The following TRRAP variants were observed in gnomAD, a reference collection of about 807,000 sequenced individuals.
The protein encoded by TRRAP is transformation/transcription domain associated protein, also known as transformation/transcription domain-associated protein.
Under a neutral mutation model 438.8 loss-of-function variants are expected in TRRAP, and 41 were observed. That is an observed-to-expected ratio of 0.09 (90% CI 0.07 to 0.12). The LOEUF (loss-of-function observed/expected upper bound fraction) is 0.12. Ranked by LOEUF, TRRAP falls within the 10% of genes least tolerant of loss-of-function variation. The probability of loss-of-function intolerance (pLI) is 1.00; values close to 1 mark genes in which losing one functional copy is unlikely to be tolerated. For synonymous variants in TRRAP, 1,994 were observed against 1,962.9 expected (o/e 1.02, Z -0.42); for missense variants, 3,122 against 5,055.1 (o/e 0.62, Z 11.60).
chr7:98,946,434 C>G (rs1254590383), intron 33 of TRRAP, among the ~76,000 whole-genome samples: 3 of 151,966 alleles, frequency 2.0e-5, no homozygotes, highest in Non-Finnish European at 4.4e-5. Flanking sequence ...CACATGCACA[C>G]ACACCGATGC....
In TRRAP at chr7:98,921,906, G is replaced by A. The variant is rs1789813328; in HGVS notation, c.2776G>A (p.Val926Met). 1 of 1,614,234 alleles carries A rather than the reference G, an allele frequency of 6.2e-7. No individual in the cohort carries two copies. The highest frequency in any genetic ancestry group is 1.3e-5 in the African/African-American group (1 of 75,058). ...VTEVQGPSIT[V>M]EFSDCKASLQ... ...CGAGGTTCAGGGCCCCAGCATCACT[G>A]TGGAGTTTTCCGACTGCAAAGCTTC... Residue 926 changes from valine (V) to methionine (M), a missense_variant, in exon 21 of 73, where the codon GTG (valine) becomes ATG (methionine). Val to Met is a conservative substitution (Grantham distance 21). Transcript: ENST00000456197.
At chr7:98,955,415 G>A (rs189826517) in intron 41 of TRRAP, 111 bp downstream of exon 41, 10 of 1,144,336 alleles carry the variant, frequency 8.7e-6, no homozygotes, top group East Asian at 2.6e-5. Context: ...TTTTAGTAAG[G>A]CTACTTCTGG....
Position 98,917,577 on chromosome 7 carries a change from A to G in TRRAP, c.2520A>G (p.Thr840=). 4 of 1,614,154 alleles carry G rather than the reference A, an allele frequency of 2.5e-6. No individual in the cohort carries two copies. Among genetic ancestry groups the G allele is most frequent in the Non-Finnish European group, 1.7e-6 (2 of 1,180,038 alleles). The change falls in exon 20 of 73, where the codon ACA becomes ACG. Residue 840 remains threonine, a synonymous_variant. Transcript: ENST00000456197. ...PLVSALNGSQ[T]LVSQGLRTLE... ...TGTCTGCACTCAATGGGTCTCAGAC[A>G]TTGGTCAGCCAAGGCCTCAGGACGC...
At chr7:98,898,696 G>A (rs1482874165) in intron 8 of TRRAP, among the ~76,000 whole-genome samples, 2 of 152,138 alleles carry the variant, frequency 1.3e-5, no homozygotes, top group East Asian at 3.9e-4. Context: ...TATTAGGACT[G>A]TTGAACTTTT....
chr7:98,921,256 A>G (rs902705895), intron 20 of TRRAP, among the ~76,000 whole-genome samples: 1 of 152,254 alleles, frequency 6.6e-6, no homozygotes, highest in African/African-American at 2.4e-5. Context: ...TTATAAAGAC[A>G]TAAAACTTCC....
intron 33 of TRRAP, 59 bp downstream of exon 33, chr7:98,946,009 C>G (rs1791041502): frequency 7.2e-7 from 1 of 1,380,248 alleles, no homozygotes; most frequent in Non-Finnish European, 9.4e-7. Flanking sequence ...TTTGCTGTGA[C>G]TCGTTAGCTG....
intron 52 of TRRAP, among the ~76,000 whole-genome samples, chr7:98,971,408 C>T (rs1456078720): frequency 1.3e-5 from 2 of 152,224 alleles, no homozygotes; most frequent in East Asian, 3.8e-4. Context: ...CAACATGCTC[C>T]GCCGTGGCCC....
At chr7:99,002,174 C>G (rs1793960351) in intron 67 of TRRAP, among the ~76,000 whole-genome samples, 1 of 152,074 alleles carries the variant, frequency 6.6e-6, no homozygotes, top group Non-Finnish European at 1.5e-5. Flanking sequence ...CAGCCAAGGG[C>G]ATCCCGTGCT....
intron 67 of TRRAP, among the ~76,000 whole-genome samples, chr7:99,001,709 A>G (rs1793928734): frequency 6.6e-6 from 1 of 152,228 alleles, no homozygotes; most frequent in East Asian, 1.9e-4. Flanking sequence ...CGTTCGTGGA[A>G]TGCAGTCCGA....
Position 98,937,637 on chromosome 7 carries a change from T to C in TRRAP, c.4234-13T>C, listed in dbSNP as rs781895955. 1.3e-6 allele frequency: 2 copies of C among 1,590,470 alleles called. No individual in the cohort carries two copies. Among genetic ancestry groups the C allele is most frequent in the Admixed American group, 3.7e-5 (2 of 54,318 alleles). On this transcript the variant is annotated splice_polypyrimidine_tract_variant and intron_variant, in intron 29 of 72. Coordinates refer to ENST00000456197, the MANE Select transcript of TRRAP (RefSeq NM_001375524.1). The stretch of plus-strand genomic sequence containing the variant: ...GTTGTCTATTTTTCTTTACAACTTT[T>C]CTTTTTTAATAGTTTTTAGAAGGTG...
At position 98,909,690 on chromosome 7, in the gene TRRAP, C is replaced by T. The variant is rs1341001344; in HGVS notation, c.1351-366C>T. 3.9e-5 allele frequency among the ~76,000 whole-genome samples: 6 copies of T among 152,184 alleles called. 1 individual carries two copies. In the South Asian group the frequency reaches 1.2e-3, roughly 32 times the overall value. On this transcript the variant is annotated intron_variant, in intron 14 of 72. Coordinates refer to ENST00000456197, the MANE Select transcript of TRRAP (RefSeq NM_001375524.1). ...GCCCTGTTGGGACGAGGCCTGTAGT[C>T]CTGGATGAAATCCAGGCCCTGCTTG...
intron 69 of TRRAP, among the ~76,000 whole-genome samples, chr7:99,006,436 A>G (rs1344025257): frequency 5.3e-5 from 8 of 152,236 alleles, no homozygotes; most frequent in African/African-American, 1.4e-4. Context: ...TGTATATAAC[A>G]TGACCTGTAG....
At chr7:99,002,796 G>A (rs535156267) in intron 67 of TRRAP, among the ~76,000 whole-genome samples, 84 of 152,326 alleles carry the variant, frequency 5.5e-4, no homozygotes, top group Non-Finnish European at 1.0e-3. Context: ...GCCAAGTTCA[G>A]ACATGGTCAG....
In TRRAP at chr7:98,984,957, T is replaced by C. The variant is rs1181053983; in HGVS notation, c.9302T>C (p.Ile3101Thr). Reference sequence around the variant, plus strand: ...TTTTTTGAACAGGGCCTTGAAGTTATTGAATCTACAAATTTAAAATACTTC... The same window carrying C: ...TTTTTTGAACAGGGCCTTGAAGTTACTGAATCTACAAATTTAAAATACTTC... ...KNECMQGLEV[I>T]ESTNLKYFTK... Residue 3101 changes from isoleucine to threonine, a missense_variant, in exon 62 of 73, where the codon ATT (isoleucine) becomes ACT (threonine). Ile to Thr is a moderately conservative substitution (Grantham distance 89). Around this residue, in one of 24 missense-constraint regions of TRRAP, gnomAD observed 129 missense variants for 279.2 expected, o/e 0.46. Transcript: ENST00000456197. The C allele has an allele frequency of 6.2e-7, 1 of 1,611,344 alleles. No individual in the cohort carries two copies. Among genetic ancestry groups the C allele is most frequent in the African/African-American group, 1.3e-5 (1 of 74,786 alleles).
intron 3 of TRRAP, among the ~76,000 whole-genome samples, chr7:98,884,514 C>T (rs562998740): frequency 3.3e-5 from 5 of 152,264 alleles, no homozygotes; most frequent in African/African-American, 9.6e-5. Flanking sequence ...GGATTACAAA[C>T]GTGAGCCACC....
chr7:98,966,175 G>C (rs566170374), intron 49 of TRRAP, among the ~76,000 whole-genome samples: 1 of 151,482 alleles, frequency 6.6e-6, no homozygotes, highest in Non-Finnish European at 1.5e-5. Flanking sequence ...GCATGGTGGC[G>C]GGCGCCTGCA....
At chr7:99,010,823 C>T (rs1794395070) in intron 70 of TRRAP, among the ~76,000 whole-genome samples, 1 of 152,176 alleles carries the variant, frequency 6.6e-6, no homozygotes. Context: ...TTGACGCAGA[C>T]CAGCCGCATT....
At chr7:98,925,412 GC>G in intron 22 of TRRAP, 149 bp downstream of exon 22, 1 of 1,179,894 alleles carries the variant, frequency 8.5e-7, no homozygotes. Flanking sequence ...TCTTGTTGGG[GC>G]CTTAGAGAAA....
In TRRAP at chr7:98,953,670, A is replaced by G. The variant is rs112788339; in HGVS notation, c.5730+237A>G. On this transcript the variant is annotated intron_variant, in intron 40 of 72. Coordinates refer to ENST00000456197, the MANE Select transcript of TRRAP (RefSeq NM_001375524.1). ...GAGAGGGGGTGGGGAGCGAGTATTGAATGGTGCGGAGTTTCTGCCTGGGAA... is the reference window on the plus strand; with the variant it reads ...GAGAGGGGGTGGGGAGCGAGTATTGGATGGTGCGGAGTTTCTGCCTGGGAA... 8.5e-3 allele frequency among the ~76,000 whole-genome samples: 1,299 copies of G among 152,262 alleles called. 24 individuals are homozygous for G. Among genetic ancestry groups the G allele is most frequent in the African/African-American group, 0.029 (1,192 of 41,540 alleles).
Sources: gnomAD v4.1 joint callset for allele counts (sites outside exome capture counted in the v4.1 genomes callset) on GRCh38, gnomAD v4.1.1 for gene constraint, gnomAD v4.1.1 regional missense constraint, MANE v1.5 for transcripts, NCBI Gene and HGNC (gene_info 2026-07-23, HGNC 2026-07-21) for gene names.